The following EYA1 variants were observed in gnomAD, a reference collection of about 807,000 sequenced individuals.
EYA1 encodes the protein protein phosphatase EYA1.
Under a neutral mutation model 82.0 loss-of-function variants are expected in EYA1, and 16 were observed. The observed-to-expected ratio is 0.20, with a 90% CI of 0.13 to 0.30. The LOEUF is 0.30. Ranked by LOEUF, EYA1 falls within the 10% of genes least tolerant of loss-of-function variation. EYA1 has a pLI of 1.00. For missense variants in EYA1, 633 were observed against 730.7 expected (o/e 0.87, Z 1.54); for synonymous variants, 261 against 264.4 (o/e 0.99, Z 0.12).
intron 12 of EYA1, among the ~76,000 whole-genome samples, chr8:71,227,145 T>TA (rs989382188): frequency 2.0e-5 from 3 of 152,178 alleles, no homozygotes; most frequent in African/African-American, 7.2e-5. Context: ...TTCAGAACAT[T>TA]AAAAAAACTC....
rs542245722 is a variant in EYA1, at chr8:71,499,473, G to A, written c.33+36271C>T. ...AGAAAGAGTTCAGTTACTAGATGAC[G>A]GAGCTAGGGCTGAGTGCAGTCTGAT... On this transcript the variant is annotated intron_variant, in intron 2 of 18. Coordinates refer to the EYA1 transcript ENST00000643681. Among the ~76,000 whole-genome samples the A allele has an allele frequency of 5.5e-4, 84 of 152,236 alleles. No homozygotes were observed. The South Asian group carries it at 0.013, about 24-fold the overall frequency.
intron 11 of EYA1, among the ~76,000 whole-genome samples, chr8:71,257,638 G>A (rs1386229500): frequency 6.6e-6 from 1 of 152,226 alleles, no homozygotes; most frequent in African/African-American, 2.4e-5. Context: ...ATGTATGTCA[G>A]ACGATGCTTG....
At chr8:71,369,490 T>C (rs1827966117) in intron 2 of EYA1, among the ~76,000 whole-genome samples, 1 of 152,214 alleles carries the variant, frequency 6.6e-6, no homozygotes, top group South Asian at 2.1e-4. Flanking sequence ...TTATAATTTA[T>C]AACTAGCTAG....
At chr8:71,481,206 T>C (rs1375753273) in intron 2 of EYA1, among the ~76,000 whole-genome samples, 1 of 152,306 alleles carries the variant, frequency 6.6e-6, no homozygotes, top group Non-Finnish European at 1.5e-5. Context: ...AGTAGTAACA[T>C]AATAAAGTTG....
chr8:71,212,898 G>GT (rs1563625099), intron 16 of EYA1, among the ~76,000 whole-genome samples: 1 of 152,128 alleles, frequency 6.6e-6, no homozygotes, highest in Non-Finnish European at 1.5e-5. Flanking sequence ...CTAACATGGA[G>GT]AAACCCCGTC....
intron 2 of EYA1, among the ~76,000 whole-genome samples, chr8:71,426,295 G>A (rs1271626372): frequency 6.6e-6 from 1 of 152,200 alleles, no homozygotes; most frequent in Non-Finnish European, 1.5e-5. Context: ...GTTTCCATGT[G>A]AAGTACCCTG....
chr8:71,493,494 C>A lies in EYA1; in HGVS notation c.33+42250G>T, dbSNP rs138854916. On this transcript the variant is annotated intron_variant, in intron 2 of 18. Transcript: ENST00000643681. Reference sequence around the variant, plus strand: ...CTTAAGGAATTTAGATTTAAAGAAGCAACTTCCTTACTACATAAAAAGACC... The same window carrying A: ...CTTAAGGAATTTAGATTTAAAGAAGAAACTTCCTTACTACATAAAAAGACC... 2.1e-3 allele frequency among the ~76,000 whole-genome samples: 326 copies of A among 152,240 alleles called. 2 individuals are homozygous for A. Among genetic ancestry groups the A allele is most frequent in the African/African-American group, 6.8e-3 (281 of 41,544 alleles).
At chr8:71,398,666 C>G (rs1829773638) in intron 2 of EYA1, among the ~76,000 whole-genome samples, 1 of 152,218 alleles carries the variant, frequency 6.6e-6, no homozygotes, top group Admixed American at 6.5e-5. Flanking sequence ...AGCTTCGTCT[C>G]AGAGGGGCAT....
intron 12 of EYA1, among the ~76,000 whole-genome samples, chr8:71,225,497 A>G (rs1237677192): frequency 6.6e-6 from 1 of 152,222 alleles, no homozygotes; most frequent in Non-Finnish European, 1.5e-5. Context: ...AAAAAACAAA[A>G]GGAGTTTTGA....
chr8:71,427,089 C>A (rs539723613), intron 2 of EYA1, among the ~76,000 whole-genome samples: 1 of 152,186 alleles, frequency 6.6e-6, no homozygotes, highest in Non-Finnish European at 1.5e-5. Context: ...CACTGTCTTG[C>A]GGTTTTCCTC....
chr8:71,333,985 AC>A (rs928305914), intron 4 of EYA1, 111 bp downstream of exon 4: 26 of 767,998 alleles, frequency 3.4e-5, no homozygotes, highest in African/African-American at 2.9e-4. Context: ...GTACGTATAT[AC>A]CCACATATAT....
intron 2 of EYA1, among the ~76,000 whole-genome samples, chr8:71,439,384 G>T (rs149575591): frequency 6.6e-6 from 1 of 152,086 alleles, no homozygotes; most frequent in Non-Finnish European, 1.5e-5. Context: ...GGGGTAAAGG[G>T]GGTATGGAAA....
intron 2 of EYA1, among the ~76,000 whole-genome samples, chr8:71,480,518 G>A (rs1810054637): frequency 6.6e-6 from 1 of 151,844 alleles, no homozygotes; most frequent in Admixed American, 6.6e-5. Flanking sequence ...CTGCAAAACT[G>A]AGAGATTAAG....
intron 4 of EYA1, among the ~76,000 whole-genome samples, chr8:71,332,146 C>A (rs897646525): frequency 3.3e-5 from 5 of 152,186 alleles, no homozygotes; most frequent in Admixed American, 6.5e-5. Context: ...AACCACCATG[C>A]CTGGCCAAAA....
intron 11 of EYA1, among the ~76,000 whole-genome samples, chr8:71,256,767 A>C (rs1243507360): frequency 6.6e-6 from 1 of 152,212 alleles, no homozygotes; most frequent in Non-Finnish European, 1.5e-5. Context: ...TGGGAGGCCA[A>C]GGTGGGTGGA....
chr8:71,321,501 T>C (rs1220154084), intron 6 of EYA1, among the ~76,000 whole-genome samples: 1 of 152,048 alleles, frequency 6.6e-6, no homozygotes, highest in Admixed American at 6.6e-5. Flanking sequence ...TCGAGAAAAA[T>C]GAGAGCAAGA....
chr8:71,219,343 T>C lies in EYA1; in HGVS notation c.1141-2320A>G, dbSNP rs183283776. 2.7e-3 allele frequency among the ~76,000 whole-genome samples: 416 copies of C among 152,214 alleles called. 5 individuals carry two copies. The highest frequency in any genetic ancestry group is 9.5e-3 in the African/African-American group (394 of 41,516). ...GTGACAAGGAAATCCTCATTCCTCA[T>C]CAGAATTTCTGTAGAATGATTTTAA... is the stretch of plus-strand genomic sequence containing the variant. On this transcript the variant is annotated intron_variant, in intron 12 of 17. Transcript: ENST00000340726.
At chr8:71,544,191 C>G (rs2129293975) in intron 1 of EYA1, among the ~76,000 whole-genome samples, 1 of 152,294 alleles carries the variant, frequency 6.6e-6, no homozygotes, top group East Asian at 1.9e-4. Flanking sequence ...TAGAAAGGTT[C>G]AAGAAATCGG....
chr8:71,455,481 C>G (rs779387788), intron 2 of EYA1, among the ~76,000 whole-genome samples: 1 of 152,150 alleles, frequency 6.6e-6, no homozygotes, highest in Non-Finnish European at 1.5e-5. Context: ...ACCAATACCC[C>G]TGATGAACAT....
Sources: gnomAD v4.1 joint callset for allele counts (sites outside exome capture counted in the v4.1 genomes callset) on GRCh38, gnomAD v4.1.1 for gene constraint, MANE v1.5 for transcripts, NCBI Gene and HGNC (gene_info 2026-07-23, HGNC 2026-07-21) for gene names.